Variants in CNTNAP2 observed in about 807,000 individuals in gnomAD.
The protein encoded by CNTNAP2 is contactin-associated protein-like 2.
A neutral mutation model predicts 155.2 loss-of-function variants in CNTNAP2; 98 were observed. The observed-to-expected ratio is 0.63, with a 90% CI of 0.54 to 0.75. The LOEUF (loss-of-function observed/expected upper bound fraction) is 0.75. Ranked by LOEUF, CNTNAP2 falls within the 30% of genes least tolerant of loss-of-function variation. The pLI is 0.00. For missense variants in CNTNAP2, 1,727 were observed against 1,688.1 expected, an observed-to-expected ratio of 1.02 and a Z score of -0.40; for synonymous variants, 651 against 631.2, an observed-to-expected ratio of 1.03 and a Z score of -0.47.
Position 146,558,976 on chromosome 7 carries a change from G to A in CNTNAP2, c.98-215295G>A, listed in dbSNP as rs75031990. Among the ~76,000 whole-genome samples, 11 of 152,226 alleles carry A rather than the reference G, an allele frequency of 7.2e-5. No individual in the cohort carries two copies. The East Asian group carries it at 2.1e-3, about 29-fold the overall frequency. On this transcript the variant is annotated intron_variant, in intron 1 of 23. Transcript: ENST00000361727. The stretch of plus-strand genomic sequence containing the variant: ...AATTTCTGCAGTATGTTTATTGTAC[G>A]AGTTTTTCAAAGATTTGCCAACTGT...
chr7:147,106,343 T>G (rs1800764724), intron 4 of CNTNAP2, among the ~76,000 whole-genome samples: 1 of 152,086 alleles, frequency 6.6e-6, no homozygotes, highest in Non-Finnish European at 1.5e-5. Context: ...TCATTGCACA[T>G]GAAAAAGATA....
chr7:147,148,491 C>A (rs191594395), intron 8 of CNTNAP2, among the ~76,000 whole-genome samples: 67 of 152,134 alleles, frequency 4.4e-4, no homozygotes, highest in African/African-American at 1.5e-3. Context: ...ATACAGAAGT[C>A]CTATGACTTG....
intron 17 of CNTNAP2, among the ~76,000 whole-genome samples, chr7:148,159,359 A>G (rs1242057741): frequency 6.6e-6 from 1 of 152,132 alleles, no homozygotes; most frequent in African/African-American, 2.4e-5. Context: ...TATACATATC[A>G]TTGTGGAAAT....
At chr7:146,850,418 A>G (rs913017692) in intron 3 of CNTNAP2, among the ~76,000 whole-genome samples, 2 of 152,234 alleles carry the variant, frequency 1.3e-5, no homozygotes, top group East Asian at 3.9e-4. Context: ...GTGATTTAGC[A>G]GAGAAATTCA....
intron 1 of CNTNAP2, among the ~76,000 whole-genome samples, chr7:146,284,043 A>C (rs1363290718): frequency 6.6e-6 from 1 of 152,252 alleles, no homozygotes; most frequent in East Asian, 1.9e-4. Flanking sequence ...GAGATTGATC[A>C]GAGATAAAAA....
intron 14 of CNTNAP2, among the ~76,000 whole-genome samples, chr7:147,969,533 C>A (rs1640771702): frequency 6.6e-6 from 1 of 152,142 alleles, no homozygotes; most frequent in African/African-American, 2.4e-5. Context: ...CCCTGTATGA[C>A]AGTCTCATTA....
chr7:146,721,203 C>A (rs1425898034), intron 1 of CNTNAP2, among the ~76,000 whole-genome samples: 1 of 130,766 alleles, frequency 7.6e-6, no homozygotes. Context: ...TATATATATT[C>A]TCTGTATATA....
chr7:146,992,518 T>A (rs1798227665), intron 3 of CNTNAP2, among the ~76,000 whole-genome samples: 2 of 150,964 alleles, frequency 1.3e-5, no homozygotes, highest in African/African-American at 4.9e-5. Flanking sequence ...TGCTACCAGG[T>A]TTCCTGCCTC....
chr7:147,971,442 G>A (rs1178848203), intron 14 of CNTNAP2, among the ~76,000 whole-genome samples: 3 of 151,940 alleles, frequency 2.0e-5, no homozygotes, highest in East Asian at 1.9e-4. Flanking sequence ...ATCCCTATAC[G>A]ATTCCCGGTT....
intron 1 of CNTNAP2, among the ~76,000 whole-genome samples, chr7:146,335,940 T>G (rs921800159): frequency 5.3e-5 from 8 of 152,062 alleles, no homozygotes; most frequent in African/African-American, 1.9e-4. Flanking sequence ...TGACCCACTC[T>G]TGTAATCCCA....
intron 8 of CNTNAP2, among the ~76,000 whole-genome samples, chr7:147,244,632 G>T (rs1804017374): frequency 6.6e-6 from 1 of 152,136 alleles, no homozygotes; most frequent in Admixed American, 6.5e-5. Context: ...TTTAGTGGGA[G>T]AGATACACAT....
chr7:148,252,285 C>T (rs1291324354), intron 20 of CNTNAP2, among the ~76,000 whole-genome samples: 1 of 152,178 alleles, frequency 6.6e-6, no homozygotes, highest in African/African-American at 2.4e-5. Context: ...TCTCTCCAGA[C>T]ACACCGACAT....
chr7:146,383,394 C>A (rs1261235123), intron 1 of CNTNAP2, among the ~76,000 whole-genome samples: 1 of 152,066 alleles, frequency 6.6e-6, no homozygotes, highest in Non-Finnish European at 1.5e-5. Context: ...GAAAGGTCCT[C>A]AAAATGGGAG....
chr7:147,726,399 G>T (rs1301710145), intron 13 of CNTNAP2, among the ~76,000 whole-genome samples: 1 of 151,952 alleles, frequency 6.6e-6, no homozygotes, highest in Non-Finnish European at 1.5e-5. Flanking sequence ...ACAGACGAGG[G>T]TTGGTAGGAG....
chr7:147,842,557 CT>C (rs1171642244), intron 13 of CNTNAP2, among the ~76,000 whole-genome samples: 1,767 of 87,574 alleles, frequency 0.02, 35 homozygotes, highest in African/African-American at 0.062. Flanking sequence ...AGTTGCATTT[CT>C]TTTTTTTTTT....
rs138637967 is a variant in CNTNAP2 at position 146,713,749 on chromosome 7, G to T, written c.98-60522G>T. On this transcript the variant is annotated intron_variant, in intron 1 of 23. Transcript: ENST00000361727. ...GCACTGCCAACGTTTACTCAAGAAA[G>T]CTTGGTTAGAACCCAGCCTCTAGAA... Among the ~76,000 whole-genome samples the T allele has an allele frequency of 4.6e-3, 696 of 152,162 alleles. 6 individuals carry two copies. The highest frequency in any genetic ancestry group is 0.016 in the African/African-American group (659 of 41,524).
intron 9 of CNTNAP2, among the ~76,000 whole-genome samples, chr7:147,385,832 C>T (rs1796617213): frequency 6.6e-6 from 1 of 152,242 alleles, no homozygotes; most frequent in African/African-American, 2.4e-5. Context: ...CCAGTAGAGA[C>T]TCTGTGTGGG....
At chr7:148,010,223 A>G (rs1802052619) in intron 15 of CNTNAP2, among the ~76,000 whole-genome samples, 1 of 151,208 alleles carries the variant, frequency 6.6e-6, no homozygotes, top group Non-Finnish European at 1.5e-5. Context: ...TCTTTTGATA[A>G]TTATATTAAT....
chr7:146,998,427 G>C (rs916457826), intron 3 of CNTNAP2, among the ~76,000 whole-genome samples: 9 of 151,966 alleles, frequency 5.9e-5, no homozygotes, highest in African/African-American at 1.9e-4. Context: ...ACTTGTGGAG[G>C]CTTGTTTGAT....
Sources: gnomAD v4.1 joint callset for allele counts (sites outside exome capture counted in the v4.1 genomes callset) on GRCh38, gnomAD v4.1.1 for gene constraint, MANE v1.5 for transcripts, NCBI Gene and HGNC (gene_info 2026-07-23, HGNC 2026-07-21) for gene names.